IL1RAPL1: variants seen among roughly 807,000 people sequenced by gnomAD.
The protein encoded by IL1RAPL1 is interleukin 1 receptor accessory protein like 1.
IL1RAPL1 carries 3 observed loss-of-function variants against 48.4 expected under a neutral mutation model. That is an observed-to-expected ratio of 0.06 (90% CI 0.03 to 0.16). IL1RAPL1 has a LOEUF of 0.16. IL1RAPL1 is among the 10% of genes least tolerant of loss of function. IL1RAPL1 has a pLI of 1.00. For synonymous variants in IL1RAPL1, 185 were observed against 187.7 expected (o/e 0.99, Z 0.12); for missense variants, 349 against 530.6 (o/e 0.66, Z 3.36).
chrX:29,742,230 G>A (rs1358526969), intron 6 of IL1RAPL1, among the ~76,000 whole-genome samples: 1 of 111,729 alleles, frequency 9.0e-6, no homozygotes. Context: ...ATAAGACAGT[G>A]CCTCTGACCG....
intron 2 of IL1RAPL1, among the ~76,000 whole-genome samples, chrX:28,958,334 A>G (rs967356302): frequency 1.8e-5 from 2 of 111,867 alleles, no homozygotes; most frequent in African/African-American, 6.5e-5. Flanking sequence ...CAACTTTAGT[A>G]GAACATGAAT....
At chrX:29,949,357 T>C (rs1028131574) in intron 9 of IL1RAPL1, among the ~76,000 whole-genome samples, 3 of 112,409 alleles carry the variant, frequency 2.7e-5, no homozygotes, top group Non-Finnish European at 5.6e-5. Context: ...CTGGACTTGT[T>C]GATTGACTTC....
At chrX:29,564,591 C>T (rs1922338217) in intron 5 of IL1RAPL1, among the ~76,000 whole-genome samples, 1 of 112,534 alleles carries the variant, frequency 8.9e-6, no homozygotes, top group Admixed American at 9.4e-5. Context: ...ATGTTTTGGG[C>T]TCTTTCTGGC....
rs192349653 is a variant in IL1RAPL1, at chrX:29,518,899, C to A, written c.703+119591C>A. Among the ~76,000 whole-genome samples the A allele has an allele frequency of 1.3e-3, 142 of 111,758 alleles. 1 individual carries two copies. Among genetic ancestry groups the A allele is most frequent in the African/African-American group, 4.4e-3 (134 of 30,794 alleles). On this transcript the variant is annotated intron_variant, in intron 5 of 10. Transcript: ENST00000378993. The stretch of plus-strand genomic sequence containing the variant: ...AGCAGTGAGACCAGTTAGGAGTCTG[C>A]AAAATATATGGTAGCTCAGACTTAA...
chrX:29,602,671 A>T (rs2147062951), intron 5 of IL1RAPL1, among the ~76,000 whole-genome samples: 1 of 112,646 alleles, frequency 8.9e-6, no homozygotes, highest in Non-Finnish European at 1.9e-5. Flanking sequence ...AAACCTTCAC[A>T]GTGTCTTTGG....
intron 2 of IL1RAPL1, among the ~76,000 whole-genome samples, chrX:28,957,669 T>C (rs919479462): frequency 1.8e-5 from 2 of 110,683 alleles, no homozygotes; most frequent in Non-Finnish European, 3.8e-5. Flanking sequence ...TTTTTAATGT[T>C]TTAAAATATT....
At chrX:28,932,896 T>C (rs929616771) in intron 2 of IL1RAPL1, among the ~76,000 whole-genome samples, 2 of 110,997 alleles carry the variant, frequency 1.8e-5, no homozygotes, top group African/African-American at 6.5e-5. Context: ...ATGCCAAAGT[T>C]ATCAGTAATT....
intron 6 of IL1RAPL1, among the ~76,000 whole-genome samples, chrX:29,902,658 T>C (rs1205538397): frequency 9.0e-6 from 1 of 110,634 alleles, no homozygotes; most frequent in Non-Finnish European, 1.9e-5. Flanking sequence ...CTACTACTAA[T>C]AATAATAATA....
chrX:29,600,219 T>C lies in IL1RAPL1; in HGVS notation c.704-68211T>C, dbSNP rs143871855. Among the ~76,000 whole-genome samples the C allele has an allele frequency of 8.6e-3, 962 of 112,110 alleles. 13 individuals are homozygous for C. Among genetic ancestry groups the C allele is most frequent in the African/African-American group, 0.03 (911 of 30,842 alleles). On this transcript the variant is annotated intron_variant, in intron 5 of 10. Transcript: ENST00000378993. Reference sequence around the variant, plus strand: ...TTCTTTTGTCCCGCAGGGTGCTCCCTTGATGTGGTGTTCTCCCCCTTCCCC... The same window carrying C: ...TTCTTTTGTCCCGCAGGGTGCTCCCCTGATGTGGTGTTCTCCCCCTTCCCC...
chrX:29,702,334 G>A (rs1183407936), intron 6 of IL1RAPL1, among the ~76,000 whole-genome samples: 1 of 110,454 alleles, frequency 9.1e-6, no homozygotes, highest in Admixed American at 9.6e-5. Flanking sequence ...AGGAGACAGT[G>A]ACCATCCAAA....
intron 3 of IL1RAPL1, among the ~76,000 whole-genome samples, chrX:29,344,037 A>T (rs1933117801): frequency 8.9e-6 from 1 of 112,499 alleles, no homozygotes. Context: ...GTATGAAGAT[A>T]TTTTCAAAGC....
chrX:29,166,734 C>A (rs1313015859), intron 2 of IL1RAPL1, among the ~76,000 whole-genome samples: 1 of 110,950 alleles, frequency 9.0e-6, no homozygotes, highest in South Asian at 3.8e-4. Flanking sequence ...TTCTCTTTCT[C>A]CTCCTATCTT....
intron 6 of IL1RAPL1, among the ~76,000 whole-genome samples, chrX:29,865,307 A>T (rs1931666888): frequency 8.9e-6 from 1 of 112,116 alleles, no homozygotes; most frequent in South Asian, 3.7e-4. Context: ...TCCTAGGGAA[A>T]TAATAACTTC....
chrX:29,287,430 G>A (rs1932300736), intron 3 of IL1RAPL1, among the ~76,000 whole-genome samples: 1 of 112,177 alleles, frequency 8.9e-6, no homozygotes, highest in African/African-American at 3.2e-5. Context: ...TTATTTTTCT[G>A]GAATAAATGC....
chrX:29,510,138 T>C (rs1935379238), intron 5 of IL1RAPL1, among the ~76,000 whole-genome samples: 1 of 112,394 alleles, frequency 8.9e-6, no homozygotes, highest in African/African-American at 3.2e-5. Context: ...AAACAGTTAC[T>C]CTCAAACACA....
chrX:29,041,369 A>G (rs746515076), intron 2 of IL1RAPL1, among the ~76,000 whole-genome samples: 10 of 111,638 alleles, frequency 9.0e-5, no homozygotes, highest in Non-Finnish European at 1.7e-4. Context: ...ATTTATGAGT[A>G]TTTGCTGGAC....
chrX:28,861,433 G>T (rs1161059384), intron 2 of IL1RAPL1, among the ~76,000 whole-genome samples: 1 of 111,898 alleles, frequency 8.9e-6, no homozygotes, highest in African/African-American at 3.2e-5. Context: ...AAACATGATG[G>T]GACCAATAAG....
chrX:29,516,992 G>A (rs1935452727), intron 5 of IL1RAPL1, among the ~76,000 whole-genome samples: 1 of 110,989 alleles, frequency 9.0e-6, no homozygotes, highest in African/African-American at 3.3e-5. Flanking sequence ...AGAGTACTTC[G>A]CATATTTTGG....
chrX:29,394,691 G>T (rs1200015966), intron 3 of IL1RAPL1, among the ~76,000 whole-genome samples: 1 of 111,192 alleles, frequency 9.0e-6, no homozygotes, highest in Non-Finnish European at 1.9e-5. Flanking sequence ...GGATTGTGAG[G>T]GCCTGAGGAC....
Sources: allele counts gnomAD v4.1 joint callset (sites outside exome capture counted in the v4.1 genomes callset), GRCh38; gene constraint gnomAD v4.1.1; transcripts MANE v1.5; gene names NCBI Gene and HGNC (gene_info 2026-07-23, HGNC 2026-07-21).